Variants in SSBP2 observed in about 807,000 individuals in gnomAD.
SSBP2 encodes the protein single-stranded DNA-binding protein 2.
In SSBP2, 17 loss-of-function variants were observed where a neutral mutation model predicts 61.8. The observed-to-expected ratio is 0.28, with a 90% CI of 0.19 to 0.41. SSBP2 has a LOEUF of 0.41. Among genes scored for constraint, SSBP2 ranks in the 10% least tolerant of loss-of-function variants. The pLI, the probability that SSBP2 is intolerant of heterozygous loss-of-function variation, is 1.00. For synonymous variants in SSBP2, 139 were observed against 141.3 expected (o/e 0.98, Z 0.12); for missense variants, 310 against 458.7 (o/e 0.68, Z 2.96).
intron 4 of SSBP2, among the ~76,000 whole-genome samples, chr5:81,597,045 T>C (rs1000800474): frequency 6.6e-6 from 1 of 152,154 alleles, no homozygotes. Context: ...CATCAGAGTG[T>C]ACAGGCAACC....
At chr5:81,643,721 G>A (rs960377859) in intron 2 of SSBP2, among the ~76,000 whole-genome samples, 1 of 146,082 alleles carries the variant, frequency 6.8e-6, no homozygotes, top group Non-Finnish European at 1.5e-5. Flanking sequence ...TCCTGCCTCA[G>A]CCTCCCGAGT....
intron 3 of SSBP2, among the ~76,000 whole-genome samples, chr5:81,635,995 G>C (rs1400737319): frequency 6.6e-6 from 1 of 152,178 alleles, no homozygotes; most frequent in African/African-American, 2.4e-5. Flanking sequence ...CTGATTTGAG[G>C]GGGTGGGCAT....
chr5:81,750,733 C>A, intron 1 of SSBP2: 1 of 540,792 alleles, frequency 1.8e-6, no homozygotes, highest in Admixed American at 3.6e-5. Flanking sequence ...ACCAGCACCA[C>A]CGCCGCCCCT....
At chr5:81,501,206 A>C (rs1767689282) in intron 5 of SSBP2, among the ~76,000 whole-genome samples, 1 of 87,340 alleles carries the variant, frequency 1.1e-5, no homozygotes, top group African/African-American at 3.6e-5. Flanking sequence ...GGGAGACTCC[A>C]TCTCAAATAT....
chr5:81,454,826 C>T (rs1490822612), intron 10 of SSBP2, among the ~76,000 whole-genome samples: 1 of 151,970 alleles, frequency 6.6e-6, no homozygotes, highest in Non-Finnish European at 1.5e-5. Context: ...GGTCTGATAA[C>T]ATTGGACGCA....
chr5:81,542,057 T>C (rs1015784805), intron 4 of SSBP2, among the ~76,000 whole-genome samples: 12 of 152,118 alleles, frequency 7.9e-5, no homozygotes, highest in African/African-American at 2.9e-4. Flanking sequence ...CGTAAGGACC[T>C]TAAATGAACA....
chr5:81,705,764 T>G (rs1754333453), intron 1 of SSBP2, among the ~76,000 whole-genome samples: 1 of 152,160 alleles, frequency 6.6e-6, no homozygotes, highest in South Asian at 2.1e-4. Context: ...AAACTTAAAA[T>G]GGCAAAACAT....
At chr5:81,424,518 G>C in intron 16 of SSBP2, among the ~76,000 whole-genome samples, 1 of 152,148 alleles carries the variant, frequency 6.6e-6, no homozygotes, top group East Asian at 1.9e-4. Context: ...ACAAATAACT[G>C]TAAGATGGTA....
intron 4 of SSBP2, among the ~76,000 whole-genome samples, chr5:81,517,747 A>G (rs1339749356): frequency 1.3e-5 from 2 of 152,034 alleles, no homozygotes; most frequent in African/African-American, 4.8e-5. Context: ...ATTTTTAAAA[A>G]TATTTTATTC....
At position 81,615,058 on chromosome 5, in the gene SSBP2, A is replaced by G. The variant is rs553743006; in HGVS notation, c.282+415T>C. 3 of 157,424 alleles carry G rather than the reference A, an allele frequency of 1.9e-5. No individual in the cohort carries two copies. In the East Asian group the frequency reaches 5.7e-4, roughly 30 times the overall value. The allele number at this position is 157,424 out of a possible 1,614,324, so 9.8% of individuals were successfully genotyped here. A position where few individuals can be genotyped will look rare whatever the true frequency, so the allele number is the denominator to read the frequency against. Reference sequence around the variant, plus strand: ...TATTTAGCCTTATGATATATAACCAAAAGTTATAAAAGGAGAAGAATAGAG... The same window carrying G: ...TATTTAGCCTTATGATATATAACCAGAAGTTATAAAAGGAGAAGAATAGAG... On this transcript the variant is annotated intron_variant, in intron 4 of 16. Transcript: ENST00000320672.
chr5:81,460,386 A>G (rs1194161436), intron 10 of SSBP2, among the ~76,000 whole-genome samples: 1 of 152,210 alleles, frequency 6.6e-6, no homozygotes, highest in Non-Finnish European at 1.5e-5. Flanking sequence ...GACAAGAAGG[A>G]AAAACATCTC....
intron 2 of SSBP2, among the ~76,000 whole-genome samples, chr5:81,640,985 C>T (rs1748732919): frequency 6.6e-6 from 1 of 152,218 alleles, no homozygotes; most frequent in African/African-American, 2.4e-5. Context: ...TGTTTCATCT[C>T]AGTTCATCTT....
chr5:81,579,645 T>A (rs916700110), intron 4 of SSBP2, among the ~76,000 whole-genome samples: 1 of 152,102 alleles, frequency 6.6e-6, no homozygotes, highest in African/African-American at 2.4e-5. Context: ...AAGCTACGGT[T>A]TCTACTGAAT....
At chr5:81,437,870 G>A (rs1442557952) in intron 14 of SSBP2, 2 of 151,938 alleles carry the variant, frequency 1.3e-5, no homozygotes, top group African/African-American at 2.4e-5. Flanking sequence ...GAACACTTGC[G>A]ACAATGTTTG....
At chr5:81,437,863 C>T (rs1472039879) in intron 14 of SSBP2, 1 of 152,234 alleles carries the variant, frequency 6.6e-6, no homozygotes, top group East Asian at 1.9e-4. Flanking sequence ...ATAAAATGAA[C>T]ACTTGCGACA....
chr5:81,592,539 C>A (rs201478822), intron 4 of SSBP2, among the ~76,000 whole-genome samples: 105 of 152,330 alleles, frequency 6.9e-4, no homozygotes, highest in Admixed American at 1.6e-3. Flanking sequence ...GGGCAGACTG[C>A]CTCCTCAAGT....
At chr5:81,573,906 C>T (rs1469282132) in intron 4 of SSBP2, among the ~76,000 whole-genome samples, 5 of 151,964 alleles carry the variant, frequency 3.3e-5, no homozygotes, top group African/African-American at 9.7e-5. Context: ...TTTGGGAGGC[C>T]GAGGCAGGCG....
chr5:81,518,642 C>CATCT (rs1169023565), intron 4 of SSBP2, among the ~76,000 whole-genome samples: 4 of 151,978 alleles, frequency 2.6e-5, no homozygotes, highest in African/African-American at 9.7e-5. Context: ...AGACATAAGC[C>CATCT]ATCTGTAGGT....
chr5:81,675,475 GGGAT>G (rs1751894528), intron 1 of SSBP2, among the ~76,000 whole-genome samples: 1 of 152,116 alleles, frequency 6.6e-6, no homozygotes, highest in Non-Finnish European at 1.5e-5. Flanking sequence ...TACCATTTTA[GGGAT>G]GCCAAAATAA....
Sources: gnomAD v4.1 joint callset for allele counts (sites outside exome capture counted in the v4.1 genomes callset) on GRCh38, gnomAD v4.1.1 for gene constraint, MANE v1.5 for transcripts, NCBI Gene and HGNC (gene_info 2026-07-23, HGNC 2026-07-21) for gene names.